DECR2: variants seen among roughly 807,000 people sequenced by gnomAD.
DECR2 encodes 2,4-dienoyl-CoA reductase 2, also known as peroxisomal 2,4-dienoyl-CoA reductase [(3E)-enoyl-CoA-producing].
Under a neutral mutation model 29.2 loss-of-function variants are expected in DECR2, and 34 were observed. The ratio of observed to expected loss-of-function variants is 1.16; its 90% CI spans 0.89 to 1.55. DECR2 has a LOEUF of 1.55. Ranked by LOEUF, DECR2 falls within the 40% of genes most tolerant of loss-of-function variation. The pLI is 0.00. For synonymous variants in DECR2, 224 were observed against 182.7 expected (o/e 1.23, Z -1.82); for missense variants, 485 against 425.3 (o/e 1.14, Z -1.23).
At chr16:402,263 C>T (rs2054676224) in intron 1 of DECR2, among the ~76,000 whole-genome samples, 1 of 151,858 alleles carries the variant, frequency 6.6e-6, no homozygotes, top group South Asian at 2.1e-4. Context: ...CAAACTCTGC[C>T]TCCCGGGTTC....
At chr16:403,366 T>C (rs1475986734) in intron 1 of DECR2, among the ~76,000 whole-genome samples, 1 of 152,118 alleles carries the variant, frequency 6.6e-6, no homozygotes, top group African/African-American at 2.4e-5. Flanking sequence ...AACTTGGAGA[T>C]CAGCAAAAGT....
At position 402,014 on chromosome 16, in the gene DECR2, C is replaced by T. The variant is rs767764934; in HGVS notation, c.51C>T (p.Tyr17=). The T allele has an allele frequency of 1.5e-5, 22 of 1,489,490 alleles. No homozygotes were observed. The highest frequency in any genetic ancestry group is 2.3e-5 in the Admixed American group (1 of 43,722). 92.3% of individuals were successfully genotyped at this position (1,489,490 alleles called of 1,614,324 possible). A position where few individuals can be genotyped will look rare whatever the true frequency, so the allele number is the denominator to read the frequency against. Residue 17 remains tyrosine, a synonymous_variant, in exon 1 of 9, where the codon TAC becomes TAT. Coordinates refer to ENST00000219481, the MANE Select transcript of DECR2 (RefSeq NM_020664.4). The part of the protein sequence containing the change: ...DVEGDDCLPA[Y]RHLFCPDLLR... ...AGGGGGACGACTGTCTCCCCGCGTACCGCCACCTCTTCTGCCCGGACCTGC... is the reference window on the plus strand; with the variant it reads ...AGGGGGACGACTGTCTCCCCGCGTATCGCCACCTCTTCTGCCCGGACCTGC...
At chr16:402,638 T>G (rs1290576412) in intron 1 of DECR2, among the ~76,000 whole-genome samples, 1 of 152,084 alleles carries the variant, frequency 6.6e-6, no homozygotes, top group Non-Finnish European at 1.5e-5. Context: ...GATCCTTTTT[T>G]TTTTTTCCTT....
intron 4 of DECR2, among the ~76,000 whole-genome samples, chr16:407,946 CCTGTCTCCAGGCCT>C (rs1275268848): frequency 7.9e-5 from 5 of 63,296 alleles, no homozygotes; most frequent in African/African-American, 2.7e-4. Context: ...TCTCCGGGCC[CCTGTCTCCAGGCCT>C]CTGTCTCCGG....
intron 1 of DECR2, 79 bp from the exon 2 acceptor site, chr16:404,877 C>G (rs1337564079): frequency 7.0e-7 from 1 of 1,434,352 alleles, no homozygotes; most frequent in Non-Finnish European, 9.8e-7. Flanking sequence ...GCCCACCCAC[C>G]TTGGCCTTCC....
intron 2 of DECR2, chr16:405,454 C>A: frequency 8.5e-7 from 1 of 1,177,240 alleles, no homozygotes; most frequent in Non-Finnish European, 1.1e-6. Flanking sequence ...CTTTTCAGAC[C>A]AAAAAGGTGA....
At chr16:405,057 C>T (rs368493466) in intron 2 of DECR2, 33 bp downstream of exon 2, 57 of 1,612,614 alleles carry the variant, frequency 3.5e-5, no homozygotes, top group African/African-American at 2.7e-4. Context: ...CCCTGCTCCT[C>T]GCTTCTCCCT....
At chr16:402,339 G>C (rs2054677538) in intron 1 of DECR2, among the ~76,000 whole-genome samples, 1 of 151,940 alleles carries the variant, frequency 6.6e-6, no homozygotes, top group Non-Finnish European at 1.5e-5. Flanking sequence ...TCACCGTGTT[G>C]GTCAGGCTCT....
chr16:404,410 T>C (rs2054701416), intron 1 of DECR2, among the ~76,000 whole-genome samples: 1 of 149,950 alleles, frequency 6.7e-6, no homozygotes, highest in Admixed American at 6.6e-5. Context: ...GGCTAATTTT[T>C]TATATTTTTA....
chr16:403,434 G>A (rs535733002), intron 1 of DECR2, among the ~76,000 whole-genome samples: 1 of 152,226 alleles, frequency 6.6e-6, no homozygotes, highest in East Asian at 1.9e-4. Flanking sequence ...CATTTAATGC[G>A]TACAAGAAAA....
rs2054761090 is a variant in DECR2, at chr16:408,129, CTGTCTCCGGGCCT to C, written c.337+570_337+582del. ...TCTCCGGACCTCTGTCTCCGGGCCC[CTGTCTCCGGGCCT>C]CTGTCTCCGGCCCCCTGTCTCCGGG... is the stretch of plus-strand genomic sequence containing the variant. On this transcript the variant is annotated intron_variant, in intron 4 of 8. Transcript: ENST00000219481. Among the ~76,000 whole-genome samples the C allele has an allele frequency of 1.8e-5, 2 of 108,240 alleles. 1 individual carries two copies. Among genetic ancestry groups the C allele is most frequent in the African/African-American group, 6.9e-5 (2 of 28,784 alleles). The allele number at this position is 108,240 out of a possible 152,430, so 71.0% of individuals were successfully genotyped here.
intron 4 of DECR2, among the ~76,000 whole-genome samples, chr16:408,925 G>A (rs532351627): frequency 2.0e-5 from 3 of 150,392 alleles, no homozygotes; most frequent in South Asian, 2.1e-4. Context: ...TCCGCCTCCC[G>A]GGTTCAAGCA....
intron 3 of DECR2, 200 bp from the exon 4 acceptor site, chr16:407,225 T>TG: frequency 7.2e-7 from 1 of 1,398,578 alleles, no homozygotes; most frequent in East Asian, 2.6e-5. Flanking sequence ...AGGTGGCAGG[T>TG]GGGGGGAGAG....
In DECR2 at chr16:403,752, C is replaced by T. The variant is rs187190993; in HGVS notation, c.81-1204C>T. On this transcript the variant is annotated intron_variant, in intron 1 of 8. Coordinates refer to ENST00000219481, the MANE Select transcript of DECR2 (RefSeq NM_020664.4). ...AATTAGCTGGGCACTCTGGCATGCACCTGTAGTCCCAGCTACTGGGGAGGC... is the reference window on the plus strand; with the variant it reads ...AATTAGCTGGGCACTCTGGCATGCATCTGTAGTCCCAGCTACTGGGGAGGC... 2.5e-4 allele frequency among the ~76,000 whole-genome samples: 38 copies of T among 152,332 alleles called. No homozygotes were observed. In the East Asian group the frequency reaches 5.8e-3, roughly 23 times the overall value.
rs768489679 is a variant in DECR2, at chr16:404,937, C to CCTCCTTTTTTATT, written c.81-15_81-3dup. ...GCCCAATAGGGCTCTTTTAAAAGAG[C>CCTCCTTTTTTATT]CTCCTTTTTTATTCTCAGGGACAAA... On this transcript the variant is annotated intron_variant, in intron 1 of 8. Transcript: ENST00000219481. 5.0e-6 allele frequency: 8 copies of CCTCCTTTTTTATT among 1,613,860 alleles called. No individual in the cohort carries two copies. Among genetic ancestry groups the CCTCCTTTTTTATT allele is most frequent in the Non-Finnish European group, 6.8e-6 (8 of 1,179,896 alleles).
intron 2 of DECR2, 30 bp downstream of exon 2, chr16:405,054 C>G: frequency 6.2e-7 from 1 of 1,613,016 alleles, no homozygotes; most frequent in Non-Finnish European, 8.5e-7. Flanking sequence ...CTTCCCTGCT[C>G]CTCGCTTCTC....
intron 1 of DECR2, among the ~76,000 whole-genome samples, chr16:403,504 T>C (rs1038521540): frequency 6.6e-6 from 1 of 152,186 alleles, no homozygotes; most frequent in Non-Finnish European, 1.5e-5. Flanking sequence ...TCAGGTATCA[T>C]ATTTGATATT....
chr16:409,986 C>G lies in DECR2; in HGVS notation c.338-257C>G, dbSNP rs2054791216. On this transcript the variant is annotated intron_variant, in intron 4 of 8. Transcript: ENST00000219481. ...AATTCGATTATCTCTGCAACCCACCCCATTTCCAAACAAGGCCACAGTCGC... is the reference window on the plus strand; with the variant it reads ...AATTCGATTATCTCTGCAACCCACCGCATTTCCAAACAAGGCCACAGTCGC... 5.7e-6 allele frequency: 3 copies of G among 525,164 alleles called. No homozygotes were observed. The East Asian group carries it at 9.2e-5, about 16-fold the overall frequency. 32.5% of individuals were successfully genotyped at this position (525,164 alleles called of 1,614,324 possible).
chr16:405,004 G>T lies in DECR2; in HGVS notation c.129G>T (p.Arg43=), dbSNP rs1222954698. ...ITGGGSGIGF[R]IAEIFMRHGC... ...GAGGCGGCTCTGGGATTGGGTTCCGGATTGCTGAGATTTTCATGCGGTGAG... is the reference window on the plus strand; with the variant it reads ...GAGGCGGCTCTGGGATTGGGTTCCGTATTGCTGAGATTTTCATGCGGTGAG... Residue 43 remains arginine (R), a synonymous_variant, in exon 2 of 9, where the codon CGG becomes CGT. Coordinates refer to ENST00000219481, the MANE Select transcript of DECR2 (RefSeq NM_020664.4). The T allele has an allele frequency of 6.2e-7, 1 of 1,614,022 alleles. No individual in the cohort carries two copies. Among genetic ancestry groups the T allele is most frequent in the African/African-American group, 1.3e-5 (1 of 74,942 alleles).
Sources: gnomAD v4.1 joint callset for allele counts (sites outside exome capture counted in the v4.1 genomes callset) on GRCh38, gnomAD v4.1.1 for gene constraint, MANE v1.5 for transcripts, NCBI Gene and HGNC (gene_info 2026-07-23, HGNC 2026-07-21) for gene names.